BCL7C: variants seen among roughly 807,000 people sequenced by gnomAD.
The protein encoded by BCL7C is B-cell CLL/lymphoma 7 protein family member C.
BCL7C carries 8 observed loss-of-function variants against 26.2 expected under a neutral mutation model. That is an observed-to-expected ratio of 0.30 (90% confidence interval 0.18 to 0.55). BCL7C has a LOEUF of 0.55. Ranked by LOEUF, BCL7C falls within the 20% of genes least tolerant of loss-of-function variation. The pLI is 0.93. For missense variants in BCL7C, 262 were observed against 298.5 expected (o/e 0.88, Z 0.90); for synonymous variants, 90 against 116.5 (o/e 0.77, Z 1.47).
At chr16:30,843,422 G>A (rs1311427100) in intron 5 of BCL7C, among the ~76,000 whole-genome samples, 2 of 151,902 alleles carry the variant, frequency 1.3e-5, no homozygotes, top group Admixed American at 6.6e-5. Flanking sequence ...TTAGCTAGGC[G>A]TAGTGGCACA....
intron 5 of BCL7C, among the ~76,000 whole-genome samples, chr16:30,860,043 T>C (rs1337323523): frequency 6.6e-6 from 1 of 151,682 alleles, no homozygotes; most frequent in Non-Finnish European, 1.5e-5. Context: ...TTCACTCTCT[T>C]CTCCAGCCTC....
chr16:30,865,785 G>A (rs2054820761), intron 5 of BCL7C, among the ~76,000 whole-genome samples: 1 of 146,154 alleles, frequency 6.8e-6, no homozygotes, highest in South Asian at 2.2e-4. Flanking sequence ...GGAGTGCAGT[G>A]GCGTGATCTT....
chr16:30,879,689 C>CAAAAAAAAAAAAAAAAA (rs1187827463), intron 5 of BCL7C, among the ~76,000 whole-genome samples: 1,106 of 29,316 alleles, frequency 0.038, 329 homozygotes, highest in African/African-American at 0.13. Flanking sequence ...CCCTTCTCTA[C>CAAAAAAAAAAAAAAAAA]AAAAAAAAAA....
intron 5 of BCL7C, among the ~76,000 whole-genome samples, chr16:30,873,823 C>T (rs1432580823): frequency 7.4e-6 from 1 of 135,110 alleles, no homozygotes; most frequent in East Asian, 2.3e-4. Context: ...TGCACTCCAT[C>T]CTGGGCCACA....
intron 5 of BCL7C, among the ~76,000 whole-genome samples, chr16:30,881,563 C>T (rs966220606): frequency 6.6e-6 from 1 of 152,194 alleles, no homozygotes; most frequent in Non-Finnish European, 1.5e-5. Context: ...CCAGCTTCTG[C>T]CTGCCTTCCC....
At chr16:30,867,784 C>A (rs1364609205) in intron 5 of BCL7C, among the ~76,000 whole-genome samples, 1 of 151,974 alleles carries the variant, frequency 6.6e-6, no homozygotes, top group Non-Finnish European at 1.5e-5. Flanking sequence ...CAGAGCAAGA[C>A]TCCATCTCAA....
intron 5 of BCL7C, among the ~76,000 whole-genome samples, chr16:30,872,268 T>C (rs1005830653): frequency 6.6e-6 from 1 of 152,060 alleles, no homozygotes; most frequent in African/African-American, 2.4e-5. Flanking sequence ...AAGTGGTCAG[T>C]CCTGAGAGCA....
intron 5 of BCL7C, 78 bp downstream of exon 5, chr16:30,888,782 G>T: frequency 7.2e-7 from 1 of 1,386,862 alleles, no homozygotes; most frequent in Non-Finnish European, 1.0e-6. Flanking sequence ...CCCTCAGGAC[G>T]CAGGCTCCAA....
In BCL7C at chr16:30,857,387, C is replaced by CAA. The variant is rs71149059; in HGVS notation, c.529-22241_529-22240dup. ...TGGGTGACAGAGCGAGACTCCATCT[C>CAA]AAAAAAAAAAAAAAAAAAAAGATAA... On this transcript the variant is annotated intron_variant, in intron 5 of 5. Transcript: ENST00000380317. Among the ~76,000 whole-genome samples, 3 of 90,346 alleles carry CAA rather than the reference C, an allele frequency of 3.3e-5. No homozygotes were observed. In the Admixed American group the frequency reaches 3.6e-4, roughly 11 times the overall value. 59.3% of individuals were successfully genotyped at this position (90,346 alleles called of 152,430 possible). A position where few individuals can be genotyped will look rare whatever the true frequency, so the allele number is the denominator to read the frequency against.
Position 30,892,976 on chromosome 16 carries a change from C to G in BCL7C, c.172-28G>C, listed in dbSNP as rs372038719. 1.9e-6 allele frequency: 3 copies of G among 1,592,328 alleles called. No individual in the cohort carries two copies. In the African/African-American group the frequency reaches 4.0e-5, roughly 21 times the overall value. On this transcript the variant is annotated intron_variant, in intron 2 of 5. Coordinates refer to ENST00000215115, the MANE Select transcript of BCL7C (RefSeq NM_004765.4). ...GGGGGTTAGAGGATTAGGGTCAGAG[C>G]TCTTGGAAAGCCCCACCATACACCT...
intron 5 of BCL7C, among the ~76,000 whole-genome samples, chr16:30,871,151 C>T (rs2054879143): frequency 6.6e-6 from 1 of 152,112 alleles, no homozygotes; most frequent in South Asian, 2.1e-4. Context: ...GACTCTGGAT[C>T]TCTGGGAAGA....
At chr16:30,869,134 G>A (rs540813513) in intron 5 of BCL7C, among the ~76,000 whole-genome samples, 5 of 152,054 alleles carry the variant, frequency 3.3e-5, no homozygotes, top group Admixed American at 3.3e-4. Context: ...GAAGACTGGG[G>A]CCAGAGTCGT....
chr16:30,887,395 C>T (rs2055149254), downstream of BCL7C, among the ~76,000 whole-genome samples: 2 of 148,424 alleles, frequency 1.3e-5, no homozygotes, highest in Admixed American at 1.4e-4. Flanking sequence ...ACTTGGGAGG[C>T]TGAGGTGGGA....
chr16:30,873,644 A>T (rs1380811030), intron 5 of BCL7C, among the ~76,000 whole-genome samples: 2 of 151,828 alleles, frequency 1.3e-5, no homozygotes, highest in Non-Finnish European at 2.9e-5. Context: ...TGAGCTCAGG[A>T]GTTCCAGACC....
intron 5 of BCL7C, among the ~76,000 whole-genome samples, chr16:30,864,128 C>T (rs188776706): frequency 2.0e-5 from 3 of 152,208 alleles, no homozygotes; most frequent in East Asian, 3.9e-4. Context: ...ATCACCGAGG[C>T]CCTGATTTAC....
At chr16:30,888,156 C>T (rs2055165557) in intron 5 of BCL7C, among the ~76,000 whole-genome samples, 166 bp from the exon 6 acceptor site, 2 of 152,166 alleles carry the variant, frequency 1.3e-5, no homozygotes, top group Non-Finnish European at 2.9e-5. Flanking sequence ...AAAACAACAA[C>T]GACAGTGACA....
rs907951709 is a variant in BCL7C, at chr16:30,850,699, G to T, written c.529-15551C>A. Among the ~76,000 whole-genome samples, 4 of 152,078 alleles carry T rather than the reference G, an allele frequency of 2.6e-5. 1 individual carries two copies. The highest frequency in any genetic ancestry group is 2.0e-4 in the Admixed American group (3 of 15,252). On this transcript the variant is annotated intron_variant, in intron 5 of 5. Coordinates refer to the BCL7C transcript ENST00000380317. The stretch of plus-strand genomic sequence containing the variant: ...AAAAGATAAAATGATATGCCACACT[G>T]GTATACCACGGTATGCCATGGTAAG...
chr16:30,862,120 G>C (rs1053329859), intron 5 of BCL7C, among the ~76,000 whole-genome samples: 1 of 151,968 alleles, frequency 6.6e-6, no homozygotes, highest in Non-Finnish European at 1.5e-5. Flanking sequence ...ACAGGTGTGA[G>C]CCACCGCGCC....
intron 5 of BCL7C, among the ~76,000 whole-genome samples, chr16:30,878,512 C>T (rs1314390333): frequency 6.7e-6 from 1 of 150,018 alleles, no homozygotes; most frequent in Non-Finnish European, 1.5e-5. Context: ...GCACTCCAGC[C>T]TGGGCGACAG....
Sources: allele counts gnomAD v4.1 joint callset (sites outside exome capture counted in the v4.1 genomes callset), GRCh38; gene constraint gnomAD v4.1.1; transcripts MANE v1.5; gene names NCBI Gene and HGNC (gene_info 2026-07-23, HGNC 2026-07-21).